Variants in AGBL4 observed in about 807,000 individuals in gnomAD.
AGBL4 encodes the protein cytosolic carboxypeptidase 6.
AGBL4 carries 58 observed loss-of-function variants against 66.4 expected under a neutral mutation model. The ratio of observed to expected loss-of-function variants is 0.87; its 90% CI spans 0.71 to 1.09. The LOEUF is 1.09. AGBL4 is among the 50% of genes least tolerant of loss of function. The probability of loss-of-function intolerance (pLI) is 0.00; values close to 1 mark genes in which losing one functional copy is unlikely to be tolerated. For synonymous variants in AGBL4, 234 were observed against 222.9 expected, an observed-to-expected ratio of 1.05 and a Z score of -0.44; for missense variants, 579 against 631.0, an observed-to-expected ratio of 0.92 and a Z score of 0.88.
chr1:49,315,883 G>A (rs1405764074), intron 3 of AGBL4, among the ~76,000 whole-genome samples: 1 of 152,008 alleles, frequency 6.6e-6, no homozygotes, highest in African/African-American at 2.4e-5. Flanking sequence ...TAGAGTAATA[G>A]ATAAACTGTG....
At chr1:49,975,437 TC>T (rs771429210) in intron 1 of AGBL4, among the ~76,000 whole-genome samples, 11 of 152,132 alleles carry the variant, frequency 7.2e-5, no homozygotes, top group Non-Finnish European at 1.5e-4. Flanking sequence ...CTTGAGTACA[TC>T]AGATCAATGC....
At chr1:48,530,802 T>C (rs1569637665), downstream of AGBL4, among the ~76,000 whole-genome samples, 1 of 152,188 alleles carries the variant, frequency 6.6e-6, no homozygotes, top group East Asian at 1.9e-4. Flanking sequence ...CCCCTACTTT[T>C]TGCATAGTTG....
intron 1 of AGBL4, among the ~76,000 whole-genome samples, chr1:49,907,092 T>C (rs17105804): frequency 0.049 from 7,462 of 152,114 alleles, 559 homozygotes; most frequent in African/African-American, 0.16. Flanking sequence ...AGCAAAACAA[T>C]CACAAATGAT....
At chr1:49,112,607 C>T (rs533170345) in intron 4 of AGBL4, among the ~76,000 whole-genome samples, 13 of 152,282 alleles carry the variant, frequency 8.5e-5, no homozygotes, top group South Asian at 8.3e-4. Context: ...GCTTTAATAA[C>T]GAAGGTTAGA....
chr1:48,928,934 C>T (rs1654810328), intron 5 of AGBL4, among the ~76,000 whole-genome samples: 1 of 152,156 alleles, frequency 6.6e-6, no homozygotes, highest in Admixed American at 6.6e-5. Flanking sequence ...CCTTTACTAG[C>T]AGACTAGGTC....
At chr1:49,295,483 A>C (rs1160910761) in intron 3 of AGBL4, among the ~76,000 whole-genome samples, 1 of 152,206 alleles carries the variant, frequency 6.6e-6, no homozygotes, top group East Asian at 1.9e-4. Context: ...AACATTTCAG[A>C]CAGAAAAACT....
intron 1 of AGBL4, among the ~76,000 whole-genome samples, chr1:50,002,195 C>T (rs187660066): frequency 3.9e-5 from 6 of 152,182 alleles, no homozygotes; most frequent in Admixed American, 2.6e-4. Context: ...TGAAAGAGTA[C>T]TCATAAGCTT....
chr1:49,167,051 C>A (rs896247370), intron 4 of AGBL4, among the ~76,000 whole-genome samples: 5 of 152,170 alleles, frequency 3.3e-5, no homozygotes. Context: ...ATGTCTCTTA[C>A]CTAACCTTTT....
intron 3 of AGBL4, among the ~76,000 whole-genome samples, chr1:49,678,498 T>C (rs1160183159): frequency 5.3e-5 from 8 of 152,140 alleles, no homozygotes; most frequent in Non-Finnish European, 1.0e-4. Context: ...TCAGTTTGCA[T>C]TGGGTTAATT....
rs1651499773 is a variant in AGBL4 at position 49,244,696 on chromosome 1, G to A, written c.377+1074C>T. Among the ~76,000 whole-genome samples the A allele has an allele frequency of 2.0e-5, 3 of 151,890 alleles. No homozygotes were observed. The South Asian group carries it at 6.2e-4, about 31-fold the overall frequency. ...ACAATATTAACAATTCGTTGCATTT[G>A]TATAGGGTTTTATATAATACTATTA... On this transcript the variant is annotated intron_variant, in intron 4 of 13. Coordinates refer to ENST00000371839, the MANE Select transcript of AGBL4 (RefSeq NM_032785.4).
intron 1 of AGBL4, among the ~76,000 whole-genome samples, chr1:49,862,500 C>T (rs1267150768): frequency 6.6e-6 from 1 of 151,864 alleles, no homozygotes; most frequent in Non-Finnish European, 1.5e-5. Context: ...AAAGAACTTC[C>T]CAAACCTGGA....
intron 7 of AGBL4, among the ~76,000 whole-genome samples, chr1:48,662,878 C>A (rs1054403883): frequency 6.6e-6 from 1 of 152,022 alleles, no homozygotes. Context: ...GGCTCTTCCT[C>A]ACCACAGCAC....
chr1:49,533,215 G>C (rs1651283277), intron 3 of AGBL4, among the ~76,000 whole-genome samples: 1 of 152,036 alleles, frequency 6.6e-6, no homozygotes, highest in South Asian at 2.1e-4. Context: ...CATCCAGACA[G>C]GTAATCCATG....
At chr1:49,918,136 A>G (rs1282204471) in intron 1 of AGBL4, among the ~76,000 whole-genome samples, 1 of 152,248 alleles carries the variant, frequency 6.6e-6, no homozygotes, top group African/African-American at 2.4e-5. Flanking sequence ...AAAGCAAGAA[A>G]GATCTAAAAT....
intron 6 of AGBL4, among the ~76,000 whole-genome samples, chr1:48,766,110 G>C (rs972269451): frequency 2.0e-5 from 3 of 152,104 alleles, no homozygotes; most frequent in Non-Finnish European, 4.4e-5. Flanking sequence ...TAAAAAATTA[G>C]GTTACCACTT....
intron 4 of AGBL4, among the ~76,000 whole-genome samples, chr1:49,214,917 G>A (rs1037174183): frequency 6.6e-6 from 1 of 152,126 alleles, no homozygotes; most frequent in African/African-American, 2.4e-5. Context: ...TGAAGACAAA[G>A]GGAAGTTATT....
chr1:49,287,199 T>C (rs1489216167), intron 3 of AGBL4, among the ~76,000 whole-genome samples: 2 of 133,812 alleles, frequency 1.5e-5, no homozygotes, highest in African/African-American at 2.9e-5. Flanking sequence ...TTACACCTTA[T>C]ACAAAAATCA....
chr1:49,735,952 G>A (rs1235759093), intron 2 of AGBL4, among the ~76,000 whole-genome samples: 2 of 151,896 alleles, frequency 1.3e-5, no homozygotes. Flanking sequence ...GAAAGCCACA[G>A]CAAATTTAAA....
rs57311875 is a variant in AGBL4 at position 49,271,516 on chromosome 1, G to GCACACACACA, written c.283-25662_283-25653dup. Among the ~76,000 whole-genome samples the GCACACACACA allele has an allele frequency of 6.2e-3, 895 of 144,290 alleles. 5 individuals carry two copies. Among genetic ancestry groups the GCACACACACA allele is most frequent in the African/African-American group, 0.021 (844 of 39,716 alleles). 94.7% of individuals were successfully genotyped at this position (144,290 alleles called of 152,430 possible). A position where few individuals can be genotyped will look rare whatever the true frequency, so the allele number is the denominator to read the frequency against. ...TCAAAGTCAACTCAATTAAAAGATA[G>GCACACACACA]CACACACACACACACACACACACAC... is the stretch of plus-strand genomic sequence containing the variant. On this transcript the variant is annotated intron_variant, in intron 3 of 13. Transcript: ENST00000371839.
Sources: gnomAD v4.1 joint callset for allele counts (sites outside exome capture counted in the v4.1 genomes callset) on GRCh38, gnomAD v4.1.1 for gene constraint, MANE v1.5 for transcripts, NCBI Gene and HGNC (gene_info 2026-07-23, HGNC 2026-07-21) for gene names.